The following FGF10 variants were observed in gnomAD, a reference collection of about 807,000 sequenced individuals.
FGF10 encodes fibroblast growth factor 10.
Under a neutral mutation model 19.8 loss-of-function variants are expected in FGF10, and 2 were observed. That is an observed-to-expected ratio of 0.10 (90% CI 0.04 to 0.32). The LOEUF (loss-of-function observed/expected upper bound fraction) is 0.32, where lower values mean the gene tolerates loss of function less well. Ranked by LOEUF, FGF10 falls within the 10% of genes least tolerant of loss-of-function variation. The probability of loss-of-function intolerance (pLI) is 1.00; values close to 1 mark genes in which losing one functional copy is unlikely to be tolerated. For missense variants in FGF10, 191 were observed against 246.3 expected, an observed-to-expected ratio of 0.78 and a Z score of 1.50; for synonymous variants, 112 against 94.0, an observed-to-expected ratio of 1.19 and a Z score of -1.10.
At chr5:44,306,696 A>G (rs1424150972) in intron 2 of FGF10, among the ~76,000 whole-genome samples, 1 of 152,214 alleles carries the variant, frequency 6.6e-6, no homozygotes, top group African/African-American at 2.4e-5. Context: ...CATAAGAAGC[A>G]GATGTATTCT....
chr5:44,301,369 C>A lies in FGF10; in HGVS notation c.*3626G>T, dbSNP rs1739960894. 6.6e-6 allele frequency among the ~76,000 whole-genome samples: 1 copy of A among 152,106 alleles called. No individual in the cohort carries two copies. Among genetic ancestry groups the A allele is most frequent in the Non-Finnish European group, 1.5e-5 (1 of 68,018 alleles). On this transcript the variant is annotated 3_prime_UTR_variant, in exon 3 of 3. Coordinates refer to ENST00000264664, the MANE Select transcript of FGF10 (RefSeq NM_004465.2). Reference sequence around the variant, plus strand: ...ATCACAAACCTTGAATTGGCAGCATCCAAATTATTAGAACTGTGCAGCATT... The same window carrying A: ...ATCACAAACCTTGAATTGGCAGCATACAAATTATTAGAACTGTGCAGCATT...
intron 1 of FGF10, among the ~76,000 whole-genome samples, chr5:44,376,191 G>A (rs956583578): frequency 6.6e-6 from 1 of 151,816 alleles, no homozygotes; most frequent in Non-Finnish European, 1.5e-5. Flanking sequence ...ACAGTGGTGA[G>A]GTTGGTTTAT....
intron 1 of FGF10, among the ~76,000 whole-genome samples, chr5:44,332,173 G>T (rs1740749230): frequency 6.6e-6 from 1 of 152,088 alleles, no homozygotes; most frequent in Admixed American, 6.6e-5. Context: ...TTTGTTGGTA[G>T]AAGTTCCAGC....
chr5:44,376,490 CAAA>C (rs764913349), intron 1 of FGF10, among the ~76,000 whole-genome samples: 6 of 34,550 alleles, frequency 1.7e-4, no homozygotes, highest in Admixed American at 4.4e-4. Context: ...ATACAAATGC[CAAA>C]AAAAAAAAAA....
chr5:44,333,759 C>T (rs563981251), intron 1 of FGF10, among the ~76,000 whole-genome samples: 1 of 152,236 alleles, frequency 6.6e-6, no homozygotes, highest in African/African-American at 2.4e-5. Context: ...TTTTCAACAG[C>T]TGCCTCTTTA....
At chr5:44,363,536 A>C (rs1353308768) in intron 1 of FGF10, among the ~76,000 whole-genome samples, 1 of 151,886 alleles carries the variant, frequency 6.6e-6, no homozygotes, top group Non-Finnish European at 1.5e-5. Context: ...AATTTCACAG[A>C]GTTTGAAACT....
At chr5:44,323,000 T>C (rs953895536) in intron 1 of FGF10, among the ~76,000 whole-genome samples, 2 of 152,144 alleles carry the variant, frequency 1.3e-5, no homozygotes, top group African/African-American at 4.8e-5. Context: ...GGAACACTGC[T>C]ATAACTTATA....
At chr5:44,356,729 A>G (rs1579929482) in intron 1 of FGF10, among the ~76,000 whole-genome samples, 1 of 151,386 alleles carries the variant, frequency 6.6e-6, no homozygotes, top group African/African-American at 2.4e-5. Flanking sequence ...ACTCAAGAAC[A>G]TCATTAATTT....
intron 1 of FGF10, among the ~76,000 whole-genome samples, chr5:44,335,875 A>C (rs1387783298): frequency 6.6e-6 from 1 of 152,122 alleles, no homozygotes; most frequent in Non-Finnish European, 1.5e-5. Context: ...AAAATATCAG[A>C]ATATAATTGG....
intron 1 of FGF10, among the ~76,000 whole-genome samples, chr5:44,361,934 C>T (rs1217255202): frequency 6.6e-6 from 1 of 151,652 alleles, no homozygotes; most frequent in African/African-American, 2.4e-5. Context: ...CTCTCAACTG[C>T]TCCCTTTACC....
At chr5:44,382,678 C>G (rs1742009595) in intron 1 of FGF10, among the ~76,000 whole-genome samples, 1 of 151,988 alleles carries the variant, frequency 6.6e-6, no homozygotes, top group Non-Finnish European at 1.5e-5. Context: ...TTGCAATATA[C>G]CATGAAAGAT....
chr5:44,316,235 T>C (rs192877667), intron 1 of FGF10, among the ~76,000 whole-genome samples: 1 of 152,136 alleles, frequency 6.6e-6, no homozygotes, highest in Non-Finnish European at 1.5e-5. Flanking sequence ...CCTCATTCCC[T>C]TTCGTGTAAA....
At position 44,305,102 on chromosome 5, in the gene FGF10, T is replaced by C; in HGVS notation, c.520A>G (p.Arg174Gly). The C allele has an allele frequency of 6.2e-7, 1 of 1,614,024 alleles. No homozygotes were observed. Among genetic ancestry groups the C allele is most frequent in the Non-Finnish European group, 8.5e-7 (1 of 1,179,902 alleles). Residue 174 changes from arginine to glycine, a missense_variant, in exon 3 of 3, where the codon AGG becomes GGG. By Grantham distance (125) the Arg-to-Gly change is moderately radical. Around this residue, in one of 2 missense-constraint regions of FGF10, gnomAD observed 99 missense variants for 161.7 expected, o/e 0.61. Transcript: ENST00000264664. ...CCATTCAATGCCACATACATTTGCC[T>C]CCCATTATGCTGCCAGTTAAATGAT... ...YASFNWQHNG[R>G]QMYVALNGKG...
chr5:44,318,567 G>A lies in FGF10; in HGVS notation c.326-8037C>T, dbSNP rs376639401. On this transcript the variant is annotated intron_variant, in intron 1 of 2. Coordinates refer to ENST00000264664, the MANE Select transcript of FGF10 (RefSeq NM_004465.2). ...TGTGTCTTCTCGCGAGCATTGGAAG[G>A]ACAGAAAGTCTGCCAGTCTGTACAG... Among the ~76,000 whole-genome samples the A allele has an allele frequency of 6.2e-4, 95 of 152,232 alleles. No homozygotes were observed. The South Asian group carries it at 0.019, about 31-fold the overall frequency.
chr5:44,346,802 A>G (rs1741100082), intron 1 of FGF10, among the ~76,000 whole-genome samples: 1 of 151,852 alleles, frequency 6.6e-6, no homozygotes, highest in South Asian at 2.1e-4. Flanking sequence ...CATTTAAAAT[A>G]TGACTAATAA....
chr5:44,346,845 C>A (rs999185019), intron 1 of FGF10, among the ~76,000 whole-genome samples: 1 of 151,718 alleles, frequency 6.6e-6, no homozygotes, highest in Non-Finnish European at 1.5e-5. Flanking sequence ...ATTTAGTTTT[C>A]TTTTACTGTG....
rs528600696 is a variant in FGF10, at chr5:44,302,551, G to A, written c.*2444C>T. Among the ~76,000 whole-genome samples the A allele has an allele frequency of 6.6e-6, 1 of 152,026 alleles. No homozygotes were observed. Among genetic ancestry groups the A allele is most frequent in the East Asian group, 1.9e-4 (1 of 5,170 alleles). ...ATTTGTTTTGTTTTGTTTTGTTTAA[G>A]AGAAGGATGTCTCACTAGGTTTCTC... On this transcript the variant is annotated 3_prime_UTR_variant, in exon 3 of 3. Transcript: ENST00000264664.
At chr5:44,356,191 T>C (rs1295074729) in intron 1 of FGF10, among the ~76,000 whole-genome samples, 1 of 151,444 alleles carries the variant, frequency 6.6e-6, no homozygotes, top group Non-Finnish European at 1.5e-5. Context: ...TGGCAGGCTT[T>C]TCCCACTGAA....
Position 44,388,772 on chromosome 5 carries a change from AGGTGGT to A in FGF10, c.-96_-91del. On this transcript the variant is annotated 5_prime_UTR_variant, in exon 1 of 3. Transcript: ENST00000264664. ...CGATGCAAGGCAAGGAGAGAGCTCGAGGTGGTGGCTGCTGGTTAGCTCCCTCTGGGC... is the reference window on the plus strand; with the variant it reads ...CGATGCAAGGCAAGGAGAGAGCTCGAGGCTGCTGGTTAGCTCCCTCTGGGC... The A allele has an allele frequency of 1.2e-5, 16 of 1,368,030 alleles. No homozygotes were observed. Among genetic ancestry groups the A allele is most frequent in the Non-Finnish European group, 1.6e-5 (16 of 969,850 alleles). The allele number at this position is 1,368,030 out of a possible 1,614,324, so 84.7% of individuals were successfully genotyped here.
Sources: gnomAD v4.1 joint callset for allele counts (sites outside exome capture counted in the v4.1 genomes callset) on GRCh38, gnomAD v4.1.1 for gene constraint, gnomAD v4.1.1 regional missense constraint, MANE v1.5 for transcripts, NCBI Gene and HGNC (gene_info 2026-07-23, HGNC 2026-07-21) for gene names.